Variants in DLGAP2 observed in about 807,000 individuals in gnomAD.
DLGAP2 encodes the protein DLG associated protein 2, also known as disks large-associated protein 2.
A neutral mutation model predicts 100.3 loss-of-function variants in DLGAP2; 26 were observed. The ratio of observed to expected loss-of-function variants is 0.26; its 90% CI spans 0.19 to 0.36. The LOEUF is 0.36. Ranked by LOEUF, DLGAP2 falls within the 10% of genes least tolerant of loss-of-function variation. The probability of loss-of-function intolerance (pLI) is 1.00; values close to 1 mark genes in which losing one functional copy is unlikely to be tolerated. For synonymous variants in DLGAP2, 886 were observed against 630.1 expected (o/e 1.41, Z -6.08); for missense variants, 1,858 against 1,453.2 (o/e 1.28, Z -4.53).
chr8:1,450,694 TC>T (rs1798134556), intron 3 of DLGAP2, among the ~76,000 whole-genome samples: 1 of 151,994 alleles, frequency 6.6e-6, no homozygotes, highest in African/African-American at 2.4e-5. Context: ...ATGGCCTATG[TC>T]CCCAGGGCCT....
chr8:1,314,602 A>G (rs1800686287), intron 3 of DLGAP2, among the ~76,000 whole-genome samples: 1 of 152,112 alleles, frequency 6.6e-6, no homozygotes, highest in Admixed American at 6.5e-5. Flanking sequence ...TCAGGTGTGC[A>G]TTAGATTGAG....
chr8:859,377 G>T (rs1051942068), intron 1 of DLGAP2, among the ~76,000 whole-genome samples: 2 of 152,174 alleles, frequency 1.3e-5, no homozygotes, highest in Non-Finnish European at 2.9e-5. Context: ...CTCCCAAAGG[G>T]CTGGGATTAC....
At chr8:1,178,138 A>C (rs1797302527) in intron 2 of DLGAP2, among the ~76,000 whole-genome samples, 1 of 152,196 alleles carries the variant, frequency 6.6e-6, no homozygotes, top group African/African-American at 2.4e-5. Context: ...GGAGAGAACT[A>C]GGGACCCCCG....
intron 3 of DLGAP2, among the ~76,000 whole-genome samples, chr8:1,477,021 A>C (rs1056018405): frequency 1.3e-5 from 2 of 152,222 alleles, no homozygotes; most frequent in African/African-American, 4.8e-5. Context: ...CTGTGAAGAC[A>C]GGTTTATTCT....
chr8:1,595,101 C>A (rs1384583074), intron 6 of DLGAP2, among the ~76,000 whole-genome samples: 1 of 151,780 alleles, frequency 6.6e-6, no homozygotes, highest in Non-Finnish European at 1.5e-5. Context: ...GAGTGCAGGG[C>A]GTCATCTCAG....
chr8:1,051,768 C>G (rs1016406074), intron 2 of DLGAP2, among the ~76,000 whole-genome samples: 1 of 152,090 alleles, frequency 6.6e-6, no homozygotes, highest in African/African-American at 2.4e-5. Context: ...GGCTTCACCT[C>G]TGTCTCATGC....
rs141097224 is a variant in DLGAP2, at chr8:1,433,252, G to C, written c.107-68114G>C. Among the ~76,000 whole-genome samples the C allele has an allele frequency of 2.8e-3, 427 of 152,278 alleles. 1 individual carries two copies. The highest frequency in any genetic ancestry group is 9.6e-3 in the African/African-American group (399 of 41,550). ...ACTGAAGATGCTTCCTGTGCCTCTG[G>C]CAACAGAACCCATCCAGCTCTCTGC... On this transcript the variant is annotated intron_variant, in intron 3 of 14. Transcript: ENST00000637795.
chr8:1,418,516 A>C (rs1016568695), intron 3 of DLGAP2, among the ~76,000 whole-genome samples: 2 of 152,108 alleles, frequency 1.3e-5, no homozygotes, highest in African/African-American at 4.8e-5. Flanking sequence ...TTATGTCTCT[A>C]CTTTCACAGT....
chr8:943,086 G>A (rs1047674197), intron 2 of DLGAP2, among the ~76,000 whole-genome samples: 1 of 152,214 alleles, frequency 6.6e-6, no homozygotes, highest in African/African-American at 2.4e-5. Flanking sequence ...AAGAAAATCA[G>A]GTGCTCAGCT....
chr8:1,494,001 A>T (rs1000234510), intron 3 of DLGAP2, among the ~76,000 whole-genome samples: 5 of 152,114 alleles, frequency 3.3e-5, no homozygotes, highest in African/African-American at 9.7e-5. Context: ...CTGGCCTGCC[A>T]TGCCAGGAGG....
intron 2 of DLGAP2, among the ~76,000 whole-genome samples, chr8:1,044,372 A>G (rs1204604115): frequency 1.3e-5 from 2 of 152,238 alleles, no homozygotes; most frequent in African/African-American, 2.4e-5. Flanking sequence ...TGTCCTGTAC[A>G]CAGAGCCTCC....
chr8:1,584,477 C>T (rs1385308365), intron 6 of DLGAP2, among the ~76,000 whole-genome samples: 1 of 152,200 alleles, frequency 6.6e-6, no homozygotes, highest in African/African-American at 2.4e-5. Context: ...ACAGTCTCCT[C>T]CACTACCGTG....
chr8:972,011 T>C (rs1800026948), intron 2 of DLGAP2, among the ~76,000 whole-genome samples: 1 of 152,162 alleles, frequency 6.6e-6, no homozygotes, highest in South Asian at 2.1e-4. Context: ...AACATGGAAC[T>C]AGAGCTGAAA....
At chr8:821,994 G>C (rs1388767356) in intron 1 of DLGAP2, 2 of 396,592 alleles carry the variant, frequency 5.0e-6, no homozygotes, top group Non-Finnish European at 8.9e-6. Flanking sequence ...TTATTGCTTA[G>C]TCTCACTTTT....
At chr8:848,899 TGCCTGTTCCAGCATAGGAACGC>T (rs1563061881) in intron 1 of DLGAP2, among the ~76,000 whole-genome samples, 1 of 136,258 alleles carries the variant, frequency 7.3e-6, no homozygotes, top group Non-Finnish European at 1.6e-5. Context: ...GAACGCGCGG[TGCCTGTTCCAGCATAGGAACGC>T]GCGGTGCCTG....
chr8:1,134,937 A>G (rs556179098), intron 2 of DLGAP2, among the ~76,000 whole-genome samples: 3 of 152,240 alleles, frequency 2.0e-5, no homozygotes, highest in Non-Finnish European at 4.4e-5. Context: ...TTACCATACA[A>G]GATGAGATTT....
chr8:1,461,104 T>G (rs1468720903), intron 3 of DLGAP2, among the ~76,000 whole-genome samples: 1 of 131,022 alleles, frequency 7.6e-6, no homozygotes, highest in East Asian at 2.3e-4. Flanking sequence ...TGCTGTCACG[T>G]GGGCTGGGTG....
At chr8:1,077,665 C>G (rs1803665540) in intron 2 of DLGAP2, among the ~76,000 whole-genome samples, 2 of 152,192 alleles carry the variant, frequency 1.3e-5, no homozygotes, top group African/African-American at 4.8e-5. Context: ...AATAACATCT[C>G]TAAGTTTTAT....
chr8:806,125 A>G (rs1353571929), intron 1 of DLGAP2, among the ~76,000 whole-genome samples: 3 of 152,268 alleles, frequency 2.0e-5, no homozygotes, highest in Admixed American at 6.5e-5. Context: ...AGAAGATGCC[A>G]GGCAGCAATT....
Sources: allele counts gnomAD v4.1 joint callset (sites outside exome capture counted in the v4.1 genomes callset), GRCh38; gene constraint gnomAD v4.1.1; transcripts MANE v1.5; gene names NCBI Gene and HGNC (gene_info 2026-07-23, HGNC 2026-07-21).